The following SLC39A10 variants were observed in gnomAD, a reference collection of about 807,000 sequenced individuals.
SLC39A10 encodes solute carrier family 39 member 10.
In SLC39A10, 13 loss-of-function variants were observed where a neutral mutation model predicts 65.1. The ratio of observed to expected loss-of-function variants is 0.20; its 90% CI spans 0.13 to 0.32. SLC39A10 has a LOEUF of 0.32. SLC39A10 is among the 10% of genes least tolerant of loss of function. The pLI, the probability that SLC39A10 is intolerant of heterozygous loss-of-function variation, is 1.00. For missense variants in SLC39A10, 831 were observed against 1,018.4 expected (o/e 0.82, Z 2.50); for synonymous variants, 321 against 342.2 (o/e 0.94, Z 0.68).
At chr2:195,681,344 G>A (rs996762159) in intron 2 of SLC39A10, among the ~76,000 whole-genome samples, 1 of 152,058 alleles carries the variant, frequency 6.6e-6, no homozygotes, top group East Asian at 1.9e-4. Context: ...GGCTAACATG[G>A]TGAAACCCCG....
chr2:195,648,283 A>G (rs12996251), intron 2 of SLC39A10, among the ~76,000 whole-genome samples: 66,068 of 151,972 alleles, frequency 0.43, 15,343 homozygotes, highest in Non-Finnish European at 0.53. Context: ...TAGGTGAGCT[A>G]CTGAACTCGG....
intron 1 of SLC39A10, among the ~76,000 whole-genome samples, chr2:195,673,770 A>T (rs1368743268): frequency 6.6e-6 from 1 of 152,222 alleles, no homozygotes; most frequent in African/African-American, 2.4e-5. Flanking sequence ...TTAACCACTG[A>T]TGCAGGTTAT....
chr2:195,663,781 T>C (rs1272509958), intron 1 of SLC39A10, among the ~76,000 whole-genome samples: 1 of 150,150 alleles, frequency 6.7e-6, no homozygotes, highest in East Asian at 1.9e-4. Context: ...GGATAGTCTA[T>C]AGTTTTTTTC....
chr2:195,689,070 C>T (rs1023179267), intron 3 of SLC39A10, among the ~76,000 whole-genome samples: 3 of 152,092 alleles, frequency 2.0e-5, no homozygotes, highest in African/African-American at 7.2e-5. Context: ...GCCAAGGATT[C>T]TCTGAAAAGA....
chr2:195,644,890 C>A (rs200044109), intron 2 of SLC39A10, among the ~76,000 whole-genome samples: 1 of 138,144 alleles, frequency 7.2e-6, no homozygotes, highest in African/African-American at 2.7e-5. Context: ...AATCTAACTA[C>A]TTTATTTATT....
intron 2 of SLC39A10, among the ~76,000 whole-genome samples, chr2:195,636,502 A>G (rs1383407221): frequency 6.6e-6 from 1 of 152,226 alleles, no homozygotes; most frequent in Non-Finnish European, 1.5e-5. Flanking sequence ...CTGTAATCCC[A>G]GCACTTTGGG....
chr2:195,729,726 CCTCT>C (rs1692371669), intron 9 of SLC39A10, among the ~76,000 whole-genome samples: 2 of 152,078 alleles, frequency 1.3e-5, no homozygotes, highest in African/African-American at 4.8e-5. Flanking sequence ...AGGTGGGGGA[CCTCT>C]CTTAGTTCCA....
rs1486176946 is a variant in SLC39A10, at chr2:195,736,713, G to GACTT, written c.*1676_*1679dup. The GACTT allele has an allele frequency of 6.6e-6, 1 of 152,280 alleles. No homozygotes were observed. Among genetic ancestry groups the GACTT allele is most frequent in the South Asian group, 2.1e-4 (1 of 4,828 alleles). The allele number at this position is 152,280 out of a possible 1,614,324, so 9.4% of individuals were successfully genotyped here. A position where few individuals can be genotyped will look rare whatever the true frequency, so the allele number is the denominator to read the frequency against. On this transcript the variant is annotated 3_prime_UTR_variant, in exon 10 of 10. Coordinates refer to ENST00000359634, the MANE Select transcript of SLC39A10 (RefSeq NM_020342.3). Reference sequence around the variant, plus strand: ...TGCTTGAATCTGAAAAATTATTTCTGACTTACTCCATGGCCTCCTTATAAT... The same window carrying GACTT: ...TGCTTGAATCTGAAAAATTATTTCTGACTTACTTACTCCATGGCCTCCTTATAAT...
rs1574328558 is a variant in SLC39A10 at position 195,734,815 on chromosome 2, A to G, written c.2338-68A>G. On this transcript the variant is annotated intron_variant, in intron 9 of 9. Coordinates refer to ENST00000359634, the MANE Select transcript of SLC39A10 (RefSeq NM_020342.3). ...AGTCACTAATTTTCTTAAGTAGGAA[A>G]ATGTTTTTAAAAACTGTTTTGAGCA... 5 of 1,453,874 alleles carry G rather than the reference A, an allele frequency of 3.4e-6. No homozygotes were observed. The Middle Eastern group carries it at 5.5e-4, about 160-fold the overall frequency. The allele number at this position is 1,453,874 out of a possible 1,614,324, so 90.1% of individuals were successfully genotyped here.
Position 195,680,013 on chromosome 2 carries a change from T to C in SLC39A10, c.-11-19T>C. Reference sequence around the variant, plus strand: ...CTAGGTAGAAACTAATACTTGTCTCTCTCTTTAAATCTCTTTAGGAAAAAT... The same window carrying C: ...CTAGGTAGAAACTAATACTTGTCTCCCTCTTTAAATCTCTTTAGGAAAAAT... On this transcript the variant is annotated intron_variant, in intron 1 of 9. Transcript: ENST00000359634. 1.9e-6 allele frequency: 3 copies of C among 1,541,954 alleles called. No homozygotes were observed. Among genetic ancestry groups the C allele is most frequent in the Non-Finnish European group, 2.6e-6 (3 of 1,148,196 alleles).
chr2:195,695,761 T>C (rs1690932648), intron 3 of SLC39A10, among the ~76,000 whole-genome samples: 1 of 152,222 alleles, frequency 6.6e-6, no homozygotes, highest in Admixed American at 6.5e-5. Flanking sequence ...TAATTGTCTT[T>C]TGATGCACAA....
In SLC39A10 at chr2:195,736,246, T is replaced by C. The variant is rs1680614765; in HGVS notation, c.*1205T>C. ...TTGGTGCCTGATAGGGATTAGTCTT[T>C]TAGGTGCCCTGTTCTCCTACCATAA... On this transcript the variant is annotated 3_prime_UTR_variant, in exon 10 of 10. Transcript: ENST00000359634. 6.4e-6 allele frequency: 1 copy of C among 155,570 alleles called. No individual in the cohort carries two copies. Among genetic ancestry groups the C allele is most frequent in the Non-Finnish European group, 1.5e-5 (1 of 68,042 alleles). 9.6% of individuals were successfully genotyped at this position (155,570 alleles called of 1,614,324 possible).
intron 5 of SLC39A10, among the ~76,000 whole-genome samples, chr2:195,709,899 T>C (rs1464227152): frequency 2.0e-5 from 3 of 152,216 alleles, no homozygotes; most frequent in African/African-American, 7.2e-5. Flanking sequence ...CATGTGACTT[T>C]TATTGTAGTA....
intron 3 of SLC39A10, among the ~76,000 whole-genome samples, chr2:195,697,966 T>G (rs1359404131): frequency 6.6e-6 from 1 of 152,192 alleles, no homozygotes; most frequent in East Asian, 1.9e-4. Context: ...TTATTCTTTT[T>G]GATGCTATTG....
intron 3 of SLC39A10, among the ~76,000 whole-genome samples, chr2:195,687,086 A>T (rs1212148177): frequency 6.6e-6 from 1 of 152,102 alleles, no homozygotes; most frequent in African/African-American, 2.4e-5. Flanking sequence ...TGATCTTCGA[A>T]TAGATAAATT....
At chr2:195,704,925 G>A (rs541161875) in intron 3 of SLC39A10, among the ~76,000 whole-genome samples, 1 of 152,200 alleles carries the variant, frequency 6.6e-6, no homozygotes, top group Non-Finnish European at 1.5e-5. Flanking sequence ...AGCTTCCCAA[G>A]TAGCTGGGGC....
chr2:195,621,599 T>G (rs1688349833), intron 2 of SLC39A10, among the ~76,000 whole-genome samples: 1 of 152,202 alleles, frequency 6.6e-6, no homozygotes, highest in Non-Finnish European at 1.5e-5. Flanking sequence ...TCATTCGACC[T>G]GATTCTCAGA....
chr2:195,713,136 A>G (rs1486290924), intron 5 of SLC39A10, among the ~76,000 whole-genome samples: 1 of 152,116 alleles, frequency 6.6e-6, no homozygotes, highest in Non-Finnish European at 1.5e-5. Context: ...GATTTTACAC[A>G]TGTTATACAC....
chr2:195,634,334 A>G (rs942680705), intron 2 of SLC39A10, among the ~76,000 whole-genome samples: 1 of 152,206 alleles, frequency 6.6e-6, no homozygotes, highest in Non-Finnish European at 1.5e-5. Flanking sequence ...ATAATGCTTC[A>G]TAGTCCTTGA....
Sources: gnomAD v4.1 joint callset for allele counts (sites outside exome capture counted in the v4.1 genomes callset) on GRCh38, gnomAD v4.1.1 for gene constraint, MANE v1.5 for transcripts, NCBI Gene and HGNC (gene_info 2026-07-23, HGNC 2026-07-21) for gene names.